Variants in ZBTB43 observed in about 807,000 individuals in gnomAD.
ZBTB43 encodes zinc finger and BTB domain containing 43, also known as zinc finger and BTB domain-containing protein 43.
Under a neutral mutation model 31.1 loss-of-function variants are expected in ZBTB43, and 6 were observed. The observed-to-expected ratio is 0.19, with a 90% CI of 0.11 to 0.38. ZBTB43 has a LOEUF of 0.38. Among genes scored for constraint, ZBTB43 ranks in the 10% least tolerant of loss-of-function variants. The probability of loss-of-function intolerance (pLI) is 1.00; values close to 1 mark genes in which losing one functional copy is unlikely to be tolerated. For synonymous variants in ZBTB43, 212 were observed against 221.7 expected (o/e 0.96, Z 0.39); for missense variants, 379 against 602.1 (o/e 0.63, Z 3.88).
chr9:126,835,845 C>T lies in ZBTB43; in HGVS notation c.*1932C>T, dbSNP rs1251197578. ...CAGTCTTTTCTCTGTGTACCTGACACACGTATACTGAGGGGATTGTACAAT... is the reference window on the plus strand; with the variant it reads ...CAGTCTTTTCTCTGTGTACCTGACATACGTATACTGAGGGGATTGTACAAT... On this transcript the variant is annotated 3_prime_UTR_variant, in exon 3 of 3. Transcript: ENST00000373464. 6.0e-6 allele frequency: 1 copy of T among 166,890 alleles called. No homozygotes were observed. Among genetic ancestry groups the T allele is most frequent in the East Asian group, 1.9e-4 (1 of 5,194 alleles). 10.3% of individuals were successfully genotyped at this position (166,890 alleles called of 1,614,324 possible).
intron 2 of ZBTB43, among the ~76,000 whole-genome samples, chr9:126,816,459 A>C (rs1419152202): frequency 6.6e-6 from 1 of 152,170 alleles, no homozygotes; most frequent in African/African-American, 2.4e-5. Context: ...TTTGTGAAAA[A>C]CATTTTAAAA....
intron 2 of ZBTB43, among the ~76,000 whole-genome samples, chr9:126,813,633 C>T (rs571122472): frequency 4.6e-5 from 7 of 152,252 alleles, no homozygotes; most frequent in Non-Finnish European, 1.0e-4. Flanking sequence ...GGACCAATAA[C>T]TCAGTGTCTT....
In ZBTB43 at chr9:126,834,901, C is replaced by T. The variant is rs1254163319; in HGVS notation, c.*988C>T. ...GCCACAAGTTGTGGCTGAGAGTTCC[C>T]TGTGAACTTGAGTAGTTCATAGAGT... On this transcript the variant is annotated 3_prime_UTR_variant, in exon 3 of 3. Coordinates refer to ENST00000373464, the MANE Select transcript of ZBTB43 (RefSeq NM_014007.4). The T allele has an allele frequency of 1.8e-5, 3 of 167,052 alleles. No individual in the cohort carries two copies. The South Asian group carries it at 6.2e-4, about 35-fold the overall frequency. The allele number at this position is 167,052 out of a possible 1,614,324, so 10.3% of individuals were successfully genotyped here.
At chr9:126,818,616 C>T (rs980750886) in intron 2 of ZBTB43, among the ~76,000 whole-genome samples, 5 of 152,052 alleles carry the variant, frequency 3.3e-5, no homozygotes, top group African/African-American at 7.2e-5. Context: ...TGAGATGATA[C>T]GTGTTTTATG....
At chr9:126,814,191 G>A (rs2032309656) in intron 2 of ZBTB43, among the ~76,000 whole-genome samples, 1 of 117,466 alleles carries the variant, frequency 8.5e-6, no homozygotes, top group South Asian at 2.7e-4. Flanking sequence ...ATTGTACTCT[G>A]ACACATAAAA....
At chr9:126,830,644 G>A (rs1261872554) in intron 2 of ZBTB43, among the ~76,000 whole-genome samples, 13 of 151,786 alleles carry the variant, frequency 8.6e-5, no homozygotes. Flanking sequence ...GTGAGACCCT[G>A]TCTCAAAAAA....
At chr9:126,804,957 T>C (rs184592532), upstream of ZBTB43, 1 of 152,602 alleles carries the variant, frequency 6.6e-6, no homozygotes, top group Admixed American at 6.5e-5. Context: ...GCACTCCGCT[T>C]TCTCTCTGAC....
Position 126,833,935 on chromosome 9 carries a change from T to A in ZBTB43, c.*22T>A. 2.6e-6 allele frequency: 4 copies of A among 1,543,424 alleles called. No homozygotes were observed. The highest frequency in any genetic ancestry group is 2.6e-6 in the Non-Finnish European group (3 of 1,137,550). The stretch of plus-strand genomic sequence containing the variant: ...CTAAAAATAGGATCTGGCCCTTGAG[T>A]GGCATGCACAAAAATAAACTATGGT... On this transcript the variant is annotated 3_prime_UTR_variant, in exon 3 of 3. Transcript: ENST00000373464. The surrounding 1 kb of genome is among the most constrained non-coding windows in gnomAD (Gnocchi z 7.9).
intron 2 of ZBTB43, among the ~76,000 whole-genome samples, chr9:126,826,759 C>T (rs991055500): frequency 2.6e-5 from 4 of 151,814 alleles, no homozygotes; most frequent in African/African-American, 7.3e-5. Context: ...CCACCACGCC[C>T]GACCTCCTGG....
chr9:126,835,591 A>G lies in ZBTB43; in HGVS notation c.*1678A>G, dbSNP rs1333264677. The G allele has an allele frequency of 6.0e-6, 1 of 167,098 alleles. No individual in the cohort carries two copies. The highest frequency in any genetic ancestry group is 6.5e-5 in the Admixed American group (1 of 15,276). 10.4% of individuals were successfully genotyped at this position (167,098 alleles called of 1,614,324 possible). A position where few individuals can be genotyped will look rare whatever the true frequency, so the allele number is the denominator to read the frequency against. On this transcript the variant is annotated 3_prime_UTR_variant, in exon 3 of 3. Coordinates refer to ENST00000373464, the MANE Select transcript of ZBTB43 (RefSeq NM_014007.4). ...TTTACTTGTTGAACATTGTCTGGAAAGAGGAAAGAAAATACTTATTTACCA... is the reference window on the plus strand; with the variant it reads ...TTTACTTGTTGAACATTGTCTGGAAGGAGGAAAGAAAATACTTATTTACCA...
chr9:126,820,691 G>A (rs2032489527), intron 2 of ZBTB43, among the ~76,000 whole-genome samples: 1 of 152,132 alleles, frequency 6.6e-6, no homozygotes. Context: ...TTTTGAGCCA[G>A]GTGCAGCAGC....
intron 2 of ZBTB43, among the ~76,000 whole-genome samples, chr9:126,816,887 T>A (rs1022718256): frequency 9.9e-5 from 15 of 152,240 alleles, no homozygotes; most frequent in African/African-American, 3.1e-4. Flanking sequence ...TATGTTAATA[T>A]TTTTTCCTTC....
chr9:126,818,296 A>AATAT (rs140919672), intron 2 of ZBTB43, among the ~76,000 whole-genome samples: 40 of 146,916 alleles, frequency 2.7e-4, no homozygotes, highest in South Asian at 8.6e-4. Context: ...CTAATTAAAA[A>AATAT]ATATATATAT....
At chr9:126,815,661 T>C (rs1208237433) in intron 2 of ZBTB43, among the ~76,000 whole-genome samples, 5 of 150,240 alleles carry the variant, frequency 3.3e-5, no homozygotes, top group Non-Finnish European at 7.4e-5. Flanking sequence ...TCTCTCTCTT[T>C]TTTTTTTTTT....
In ZBTB43 at chr9:126,837,506, G is replaced by A. The variant is rs2032907305; in HGVS notation, c.*3593G>A. ...GAGACGGAGCAGAAGCTGCAAAGCT[G>A]TGCTTTCCCTGGGGAAGGGGATGTG... On this transcript the variant is annotated 3_prime_UTR_variant, in exon 3 of 3. Coordinates refer to ENST00000373464, the MANE Select transcript of ZBTB43 (RefSeq NM_014007.4). 6.0e-6 allele frequency: 1 copy of A among 167,156 alleles called. No individual in the cohort carries two copies. The highest frequency in any genetic ancestry group is 2.4e-5 in the African/African-American group (1 of 41,472). The allele number at this position is 167,156 out of a possible 1,614,324, so 10.4% of individuals were successfully genotyped here.
Position 126,833,388 on chromosome 9 carries a change from C to T in ZBTB43, c.879C>T (p.Ile293=), listed in dbSNP as rs80025775. 31,934 of 1,613,580 alleles carry T rather than the reference C, an allele frequency of 0.02. 3,697 individuals carry two copies. The East Asian group carries it at 0.36, about 18-fold the overall frequency. Residue 293 remains isoleucine (I), a synonymous_variant, in exon 3 of 3, where the codon ATC becomes ATT. Transcript: ENST00000373464. The surrounding 1 kb of genome is among the most constrained non-coding windows in gnomAD (Gnocchi z 7.9). The part of the protein sequence containing the change: ...QPSGVEEDFH[I]GEKKVEAEFD... ...CGGGAGTGGAGGAGGACTTCCACAT[C>T]GGGGAGAAGAAAGTGGAAGCTGAGT...
At chr9:126,805,849 T>C (rs940505854) in intron 1 of ZBTB43, among the ~76,000 whole-genome samples, 1 of 145,898 alleles carries the variant, frequency 6.9e-6, no homozygotes, top group African/African-American at 2.8e-5. Context: ...CTCTTGTCTC[T>C]CTTTCCTGAG....
At chr9:126,821,385 A>AG (rs986146464) in intron 2 of ZBTB43, among the ~76,000 whole-genome samples, 16 of 152,056 alleles carry the variant, frequency 1.1e-4, no homozygotes, top group African/African-American at 3.9e-4. Context: ...TTAAAAAAAA[A>AG]GAAAAAAAGA....
chr9:126,823,994 G>A (rs930017236), intron 2 of ZBTB43, among the ~76,000 whole-genome samples: 1 of 151,756 alleles, frequency 6.6e-6, no homozygotes, highest in African/African-American at 2.4e-5. Flanking sequence ...AAATCATATA[G>A]AAACAAAAGA....
Sources: gnomAD v4.1 joint callset for allele counts (sites outside exome capture counted in the v4.1 genomes callset) on GRCh38, gnomAD v4.1.1 for gene constraint, Gnocchi (gnomAD v3.1) non-coding constraint, MANE v1.5 for transcripts, NCBI Gene and HGNC (gene_info 2026-07-23, HGNC 2026-07-21) for gene names.